Variants in PCP4 observed in about 807,000 individuals in gnomAD.
PCP4 encodes the protein calmodulin regulator protein PCP4.
Under a neutral mutation model 10.0 loss-of-function variants are expected in PCP4, and 8 were observed. The observed-to-expected ratio is 0.80, with a 90% CI of 0.47 to 1.45. The LOEUF (loss-of-function observed/expected upper bound fraction) is 1.45. PCP4 is among the 40% of genes most tolerant of loss of function. The probability of loss-of-function intolerance (pLI) is 0.00; values close to 1 mark genes in which losing one functional copy is unlikely to be tolerated. For missense variants in PCP4, 54 were observed against 74.4 expected, an observed-to-expected ratio of 0.73 and a Z score of 1.01; for synonymous variants, 21 against 23.0, an observed-to-expected ratio of 0.91 and a Z score of 0.24.
At chr21:39,903,392 A>G (rs961525901) in intron 2 of PCP4, among the ~76,000 whole-genome samples, 1 of 148,454 alleles carries the variant, frequency 6.7e-6, no homozygotes, top group Non-Finnish European at 1.5e-5. Context: ...GGTAAATGCT[A>G]CAGAGGAAAG....
At chr21:39,890,057 A>C (rs955487615) in intron 1 of PCP4, among the ~76,000 whole-genome samples, 1 of 152,182 alleles carries the variant, frequency 6.6e-6, no homozygotes, top group African/African-American at 2.4e-5. Context: ...GGGTATAGAC[A>C]ACAAAGGGTG....
chr21:39,880,514 T>G (rs941840412), intron 1 of PCP4, among the ~76,000 whole-genome samples: 1 of 152,178 alleles, frequency 6.6e-6, no homozygotes, highest in African/African-American at 2.4e-5. Flanking sequence ...TGTATATGTT[T>G]AAAGGCCATA....
At chr21:39,889,637 C>CT (rs955012563) in intron 1 of PCP4, among the ~76,000 whole-genome samples, 16 of 151,886 alleles carry the variant, frequency 1.1e-4, no homozygotes, top group African/African-American at 3.9e-4. Context: ...AGGATGGTCT[C>CT]TATCTCCTGA....
chr21:39,911,599 A>T (rs557076737), intron 2 of PCP4, among the ~76,000 whole-genome samples: 3 of 152,250 alleles, frequency 2.0e-5, no homozygotes, highest in Non-Finnish European at 2.9e-5. Context: ...GGCCTCGTCA[A>T]CGTGACCTGG....
intron 2 of PCP4, among the ~76,000 whole-genome samples, chr21:39,921,396 G>A (rs992277857): frequency 1.3e-5 from 2 of 152,184 alleles, no homozygotes; most frequent in Non-Finnish European, 2.9e-5. Context: ...CTTCTAGAAC[G>A]GGGATGATGA....
chr21:39,912,312 GT>G (rs373532112), intron 2 of PCP4, among the ~76,000 whole-genome samples: 1,631 of 121,660 alleles, frequency 0.013, 30 homozygotes, highest in African/African-American at 0.05. Context: ...CTTTTGAAAG[GT>G]TTTTTTTTTT....
At chr21:39,922,907 G>A (rs1315885453) in intron 2 of PCP4, among the ~76,000 whole-genome samples, 3 of 152,218 alleles carry the variant, frequency 2.0e-5, no homozygotes, top group Non-Finnish European at 4.4e-5. Context: ...CACACAGGAC[G>A]TTGAATCATG....
At chr21:39,873,524 CT>C (rs1180379195) in intron 1 of PCP4, among the ~76,000 whole-genome samples, 1 of 151,930 alleles carries the variant, frequency 6.6e-6, no homozygotes, top group East Asian at 1.9e-4. Context: ...AATTTCTTTT[CT>C]TGGGGAGTTC....
intron 2 of PCP4, among the ~76,000 whole-genome samples, chr21:39,918,157 T>A (rs575073084): frequency 6.6e-6 from 1 of 152,378 alleles, no homozygotes; most frequent in South Asian, 2.1e-4. Context: ...CAAATAGGAA[T>A]GAATTTTGCC....
At chr21:39,916,111 G>A (rs1008230187) in intron 2 of PCP4, 1 of 152,096 alleles carries the variant, frequency 6.6e-6, no homozygotes, top group African/African-American at 2.4e-5. Flanking sequence ...GTGGTTTGCT[G>A]TTGGGGCAGC....
At chr21:39,912,633 C>A (rs1014939140) in intron 2 of PCP4, among the ~76,000 whole-genome samples, 1 of 152,174 alleles carries the variant, frequency 6.6e-6, no homozygotes, top group Non-Finnish European at 1.5e-5. Flanking sequence ...GAACTTTTCA[C>A]AACCCTGGGA....
intron 1 of PCP4, among the ~76,000 whole-genome samples, chr21:39,874,963 A>G (rs1305531729): frequency 1.3e-5 from 2 of 152,250 alleles, no homozygotes; most frequent in East Asian, 3.9e-4. Context: ...GTTCTTAGAC[A>G]GCAAGCGGTT....
chr21:39,903,851 G>C (rs2087492947), intron 2 of PCP4, among the ~76,000 whole-genome samples: 1 of 135,998 alleles, frequency 7.4e-6, no homozygotes, highest in Non-Finnish European at 1.5e-5. Flanking sequence ...CTGGGCTAAA[G>C]AGTGGGACTC....
chr21:39,877,075 C>G (rs2087350055), intron 1 of PCP4, among the ~76,000 whole-genome samples: 1 of 152,200 alleles, frequency 6.6e-6, no homozygotes, highest in Admixed American at 6.5e-5. Context: ...CAGAGAAAAC[C>G]TAAGTTTCCT....
At chr21:39,879,858 T>C (rs1393750025) in intron 1 of PCP4, among the ~76,000 whole-genome samples, 1 of 152,036 alleles carries the variant, frequency 6.6e-6, no homozygotes, top group Non-Finnish European at 1.5e-5. Context: ...CAATGAAAAA[T>C]CAATACGATG....
In PCP4 at chr21:39,879,818, G is replaced by GGGCA. The variant is rs1415932343; in HGVS notation, c.9+12311_9+12314dup. Among the ~76,000 whole-genome samples, 13 of 152,276 alleles carry GGGCA rather than the reference G, an allele frequency of 8.5e-5. No homozygotes were observed. The East Asian group carries it at 2.5e-3, about 29-fold the overall frequency. On this transcript the variant is annotated intron_variant, in intron 1 of 2. Transcript: ENST00000328619. ...CCATAAAAGCCTGTGACAGGGAGTA[G>GGGCA]GGCAGGACCAGTGACATAATTTGTG...
At chr21:39,900,184 A>C (rs1475701326) in intron 2 of PCP4, among the ~76,000 whole-genome samples, 4 of 151,904 alleles carry the variant, frequency 2.6e-5, no homozygotes, top group African/African-American at 9.7e-5. Flanking sequence ...ACAGGCACCC[A>C]CCACCACGCC....
At chr21:39,902,838 T>G (rs1439147921) in intron 2 of PCP4, among the ~76,000 whole-genome samples, 2 of 152,218 alleles carry the variant, frequency 1.3e-5, no homozygotes, top group Admixed American at 6.5e-5. Flanking sequence ...AGCCACAGAT[T>G]TCATTTGTTT....
At chr21:39,883,768 T>C (rs1467500227) in intron 1 of PCP4, 1 of 152,230 alleles carries the variant, frequency 6.6e-6, no homozygotes, top group African/African-American at 2.4e-5. Flanking sequence ...GTGTTTCAAC[T>C]GTGAGCTCAA....
Sources: allele counts gnomAD v4.1 joint callset (sites outside exome capture counted in the v4.1 genomes callset), GRCh38; gene constraint gnomAD v4.1.1; transcripts MANE v1.5; gene names NCBI Gene and HGNC (gene_info 2026-07-23, HGNC 2026-07-21).